Variants in PHTF1 observed in about 807,000 individuals in gnomAD.
PHTF1 encodes the protein putative homeodomain transcription factor 1, also known as protein PHTF1.
PHTF1 carries 88 observed loss-of-function variants against 102.4 expected under a neutral mutation model. The ratio of observed to expected loss-of-function variants is 0.86; its 90% CI spans 0.72 to 1.03. The LOEUF (loss-of-function observed/expected upper bound fraction) is 1.03. PHTF1 is among the 50% of genes least tolerant of loss of function. The pLI, the probability that PHTF1 is intolerant of heterozygous loss-of-function variation, is 0.00. For synonymous variants in PHTF1, 289 were observed against 305.2 expected, an observed-to-expected ratio of 0.95 and a Z score of 0.55; for missense variants, 814 against 909.5, an observed-to-expected ratio of 0.89 and a Z score of 1.35.
intron 11 of PHTF1, among the ~76,000 whole-genome samples, chr1:113,708,554 G>A (rs2101136983): frequency 6.6e-6 from 1 of 152,164 alleles, no homozygotes; most frequent in East Asian, 1.9e-4. Context: ...AATCACTTGA[G>A]CCTGGAAGGC....
At chr1:113,741,074 C>A (rs1466847582) in intron 3 of PHTF1, among the ~76,000 whole-genome samples, 1 of 152,140 alleles carries the variant, frequency 6.6e-6, no homozygotes, top group Non-Finnish European at 1.5e-5. Flanking sequence ...CATGCTAATT[C>A]TTAATTATGT....
At chr1:113,732,500 G>GA (rs200365355) in intron 5 of PHTF1, among the ~76,000 whole-genome samples, 12 of 149,894 alleles carry the variant, frequency 8.0e-5, no homozygotes, top group South Asian at 4.2e-4. Context: ...CATCTCAAAA[G>GA]AAAAAAAACA....
intron 7 of PHTF1, among the ~76,000 whole-genome samples, chr1:113,721,927 C>T (rs1203833444): frequency 6.6e-6 from 1 of 151,754 alleles, no homozygotes; most frequent in Admixed American, 6.5e-5. Context: ...ACCTCCTGAC[C>T]TCGTGATCCG....
chr1:113,727,964 C>T (rs1443122900), intron 5 of PHTF1, among the ~76,000 whole-genome samples: 1 of 151,828 alleles, frequency 6.6e-6, no homozygotes, highest in Non-Finnish European at 1.5e-5. Context: ...CAGAGTGAGA[C>T]CTGGTCTCAA....
chr1:113,700,116 T>C (rs542558310), intron 16 of PHTF1: 11 of 1,023,796 alleles, frequency 1.1e-5, no homozygotes, highest in South Asian at 7.4e-5. Flanking sequence ...CTCTATCTTA[T>C]TCATCTCACT....
At chr1:113,755,456 A>G (rs867741796) in intron 3 of PHTF1, among the ~76,000 whole-genome samples, 40 of 152,286 alleles carry the variant, frequency 2.6e-4, no homozygotes, top group Admixed American at 3.9e-4. Context: ...ATCACACTGA[A>G]AGCTCAGTAA....
intron 7 of PHTF1, among the ~76,000 whole-genome samples, chr1:113,718,996 TTTC>T (rs1462703929): frequency 6.6e-6 from 1 of 152,104 alleles, no homozygotes; most frequent in African/African-American, 2.4e-5. Flanking sequence ...GGGTTTTTCT[TTTC>T]TTCTTTTTTT....
chr1:113,705,787 C>G, intron 13 of PHTF1, 103 bp downstream of exon 13: 1 of 787,212 alleles, frequency 1.3e-6, no homozygotes, highest in Non-Finnish European at 2.1e-6. Flanking sequence ...TCCTTTATTG[C>G]CCACATCAAC....
intron 3 of PHTF1, among the ~76,000 whole-genome samples, chr1:113,748,722 G>A (rs1295318390): frequency 6.6e-6 from 1 of 152,022 alleles, no homozygotes; most frequent in Non-Finnish European, 1.5e-5. Flanking sequence ...TTTTTGTAAA[G>A]ACAGGGTATC....
At chr1:113,705,866 A>C in intron 13 of PHTF1, 24 bp downstream of exon 13, 1 of 1,591,196 alleles carries the variant, frequency 6.3e-7, no homozygotes, top group Non-Finnish European at 8.6e-7. Context: ...ACAGGTAAAA[A>C]ATTTTCCTTA....
At chr1:113,700,731 G>T in intron 16 of PHTF1, 63 bp downstream of exon 16, 1 of 1,465,210 alleles carries the variant, frequency 6.8e-7, no homozygotes, top group Non-Finnish European at 9.4e-7. Context: ...TCCTCTGCAG[G>T]AACCTTACAG....
intron 3 of PHTF1, among the ~76,000 whole-genome samples, chr1:113,740,958 A>G (rs1207701519): frequency 6.6e-6 from 1 of 152,092 alleles, no homozygotes; most frequent in Non-Finnish European, 1.5e-5. Context: ...TTGAACTGGG[A>G]ACATGGAGGT....
At chr1:113,703,749 A>C (rs1649701579) in intron 15 of PHTF1, 1 of 197,720 alleles carries the variant, frequency 5.1e-6, no homozygotes, top group South Asian at 1.4e-4. Context: ...AATAAGAGGG[A>C]AAGAAATGAA....
In PHTF1 at chr1:113,713,274, C is replaced by G. The variant is rs1651438934; in HGVS notation, c.783+5G>C. 2 of 1,612,602 alleles carry G rather than the reference C, an allele frequency of 1.2e-6. No homozygotes were observed. Among genetic ancestry groups the G allele is most frequent in the African/African-American group, 1.3e-5 (1 of 74,866 alleles). ...AACCCCTTGTTAAATCCATCTAAAT[C>G]TTACCCTACGGCACTTTTCTCCATC... On this transcript the variant is annotated splice_donor_5th_base_variant and intron_variant, in intron 8 of 18. Transcript: ENST00000369604.
At chr1:113,735,096 T>C (rs1250246550) in intron 5 of PHTF1, among the ~76,000 whole-genome samples, 7 of 152,058 alleles carry the variant, frequency 4.6e-5, no homozygotes, top group Non-Finnish European at 1.0e-4. Flanking sequence ...CCAGGTGTGG[T>C]GGCTCACACC....
At chr1:113,752,864 T>C (rs770601486) in intron 3 of PHTF1, among the ~76,000 whole-genome samples, 17 of 152,262 alleles carry the variant, frequency 1.1e-4, no homozygotes, top group Non-Finnish European at 1.3e-4. Flanking sequence ...CAGATATCCC[T>C]GCTTTGTTCC....
At chr1:113,712,929 C>A (rs1192575781) in intron 8 of PHTF1, among the ~76,000 whole-genome samples, 1 of 152,056 alleles carries the variant, frequency 6.6e-6, no homozygotes, top group Non-Finnish European at 1.5e-5. Context: ...GTAGCTGGGA[C>A]TACAGGCGCC....
chr1:113,710,578 TTCAGAAG>T, intron 10 of PHTF1, 103 bp from the exon 11 acceptor site: 1 of 773,064 alleles, frequency 1.3e-6, no homozygotes, highest in South Asian at 1.7e-5. Context: ...CTTGAAAGCC[TTCAGAAG>T]TCAATCACCA....
intron 3 of PHTF1, among the ~76,000 whole-genome samples, chr1:113,741,490 G>T (rs181453872): frequency 7.4e-4 from 112 of 152,194 alleles, no homozygotes; most frequent in African/African-American, 2.5e-3. Context: ...TTGGACATTT[G>T]TCCCAGTGCT....
Sources: allele counts gnomAD v4.1 joint callset (sites outside exome capture counted in the v4.1 genomes callset), GRCh38; gene constraint gnomAD v4.1.1; transcripts MANE v1.5; gene names NCBI Gene and HGNC (gene_info 2026-07-23, HGNC 2026-07-21).